COL26A1: variants seen among roughly 807,000 people sequenced by gnomAD.
The protein encoded by COL26A1 is collagen type XXVI alpha 1 chain.
Under a neutral mutation model 59.3 loss-of-function variants are expected in COL26A1, and 41 were observed. The ratio of observed to expected loss-of-function variants is 0.69; its 90% CI spans 0.54 to 0.90. The LOEUF is 0.90. Ranked by LOEUF, COL26A1 falls within the 40% of genes least tolerant of loss-of-function variation. The pLI is 0.00. For missense variants in COL26A1, 612 were observed against 602.3 expected, an observed-to-expected ratio of 1.02 and a Z score of -0.17; for synonymous variants, 266 against 256.0, an observed-to-expected ratio of 1.04 and a Z score of -0.37.
chr7:101,372,391 A>C (rs1294309444), intron 1 of COL26A1, among the ~76,000 whole-genome samples: 1 of 151,812 alleles, frequency 6.6e-6, no homozygotes, highest in Non-Finnish European at 1.5e-5. Flanking sequence ...TGAACTCCTG[A>C]CGTCAAGTGA....
At chr7:101,496,066 G>A (rs1328697448) in intron 3 of COL26A1, among the ~76,000 whole-genome samples, 1 of 152,100 alleles carries the variant, frequency 6.6e-6, no homozygotes, top group Non-Finnish European at 1.5e-5. Flanking sequence ...AGGCAGCAAA[G>A]CGAGACCCTG....
intron 3 of COL26A1, among the ~76,000 whole-genome samples, chr7:101,505,238 ATG>A (rs1393109728): frequency 8.1e-6 from 1 of 124,222 alleles, no homozygotes; most frequent in East Asian, 2.3e-4. Flanking sequence ...AGAAGTGTGT[ATG>A]TGTGTTGTGT....
chr7:101,462,944 A>G (rs1430843789), intron 3 of COL26A1, among the ~76,000 whole-genome samples: 1 of 152,204 alleles, frequency 6.6e-6, no homozygotes, highest in African/African-American at 2.4e-5. Flanking sequence ...ATCAAAGCAC[A>G]TAATTAACAA....
At chr7:101,498,704 A>C (rs1794638851) in intron 3 of COL26A1, among the ~76,000 whole-genome samples, 1 of 152,200 alleles carries the variant, frequency 6.6e-6, no homozygotes, top group Non-Finnish European at 1.5e-5. Context: ...AAGGTCTTTG[A>C]AACAAGCAAG....
In COL26A1 at chr7:101,530,152, G is replaced by A. The variant is rs564895776; in HGVS notation, c.386-2930G>A. Among the ~76,000 whole-genome samples the A allele has an allele frequency of 1.3e-5, 2 of 152,118 alleles. 1 individual carries two copies. Among genetic ancestry groups the A allele is most frequent in the Non-Finnish European group, 2.9e-5 (2 of 68,024 alleles). ...AGGGCTGGGGTAGCTTAAGGTGTAGGATGGGTAGCTGGGTGGGTGAGTGAA... is the reference window on the plus strand; with the variant it reads ...AGGGCTGGGGTAGCTTAAGGTGTAGAATGGGTAGCTGGGTGGGTGAGTGAA... On this transcript the variant is annotated intron_variant, in intron 3 of 12. Transcript: ENST00000313669.
chr7:101,539,817 C>A, intron 4 of COL26A1, 76 bp from the exon 5 acceptor site: 1 of 1,443,126 alleles, frequency 6.9e-7, no homozygotes, highest in Non-Finnish European at 9.4e-7. Flanking sequence ...GGTGCACATG[C>A]ATGTCCCTGT....
In COL26A1 at chr7:101,429,589, C is replaced by CTTTTTTTTTTTTTTTTTTTTTT. The variant is rs58432413; in HGVS notation, c.281+9511_281+9512insTTTTTTTTTTTTTTTTTTTTTT. Reference sequence around the variant, plus strand: ...ATTCTTTTTTTTCCTTTCTTTTTTACTTTTTTTTTTTTTTTTTTTTTGAGA... The same window carrying CTTTTTTTTTTTTTTTTTTTTTT: ...ATTCTTTTTTTTCCTTTCTTTTTTACTTTTTTTTTTTTTTTTTTTTTTTTTTTTTTTTTTTTTTTTTTTGAGA... On this transcript the variant is annotated intron_variant, in intron 2 of 12. Coordinates refer to ENST00000313669, the MANE Select transcript of COL26A1 (RefSeq NM_001278563.3). Among the ~76,000 whole-genome samples the CTTTTTTTTTTTTTTTTTTTTTT allele has an allele frequency of 5.1e-4, 40 of 78,694 alleles. 3 individuals carry two copies. The highest frequency in any genetic ancestry group is 1.6e-3 in the African/African-American group (31 of 19,352). 51.6% of individuals were successfully genotyped at this position (78,694 alleles called of 152,430 possible). A position where few individuals can be genotyped will look rare whatever the true frequency, so the allele number is the denominator to read the frequency against.
At chr7:101,515,222 T>G (rs906442556) in intron 3 of COL26A1, among the ~76,000 whole-genome samples, 2 of 152,188 alleles carry the variant, frequency 1.3e-5, no homozygotes, top group Non-Finnish European at 2.9e-5. Flanking sequence ...ACACAAACGG[T>G]GCCTCTCTGA....
At chr7:101,391,691 A>G (rs767452934) in intron 1 of COL26A1, among the ~76,000 whole-genome samples, 5 of 152,082 alleles carry the variant, frequency 3.3e-5, no homozygotes, top group Non-Finnish European at 7.4e-5. Flanking sequence ...AGTAGCTGGG[A>G]CTACAGGCGT....
At chr7:101,444,462 C>G (rs986972227) in intron 2 of COL26A1, among the ~76,000 whole-genome samples, 14 of 144,954 alleles carry the variant, frequency 9.7e-5, no homozygotes, top group East Asian at 4.0e-4. Flanking sequence ...GTTGCCCAGT[C>G]TGGAGTGCAG....
chr7:101,428,791 A>C (rs1792708010), intron 2 of COL26A1, among the ~76,000 whole-genome samples: 1 of 151,946 alleles, frequency 6.6e-6, no homozygotes, highest in African/African-American at 2.4e-5. Context: ...TACAGGCATG[A>C]GCCACCGCAC....
chr7:101,549,125 C>T lies in COL26A1; in HGVS notation c.941-46C>T, dbSNP rs559782780. The T allele has an allele frequency of 6.2e-5, 69 of 1,108,522 alleles. No homozygotes were observed. In the South Asian group the frequency reaches 8.1e-4, roughly 13 times the overall value. The allele number at this position is 1,108,522 out of a possible 1,614,324, so 68.7% of individuals were successfully genotyped here. ...AGGTGCTGGGGTGGGAGGCTGGGGG[C>T]GCCCCCTCTCTGGCCCCAGGTGACC... On this transcript the variant is annotated intron_variant, in intron 8 of 12. Coordinates refer to ENST00000313669, the MANE Select transcript of COL26A1 (RefSeq NM_001278563.3).
chr7:101,547,119 C>A, intron 7 of COL26A1, 37 bp from the exon 8 acceptor site: 1 of 1,457,126 alleles, frequency 6.9e-7, no homozygotes, highest in Non-Finnish European at 9.4e-7. Context: ...GCCAGGTCTG[C>A]CCCACCAGAC....
intron 3 of COL26A1, among the ~76,000 whole-genome samples, chr7:101,507,080 A>G (rs1794826962): frequency 6.6e-6 from 1 of 151,794 alleles, no homozygotes; most frequent in African/African-American, 2.4e-5. Flanking sequence ...ACGCCTGGCT[A>G]ATTTTCGTAT....
chr7:101,455,588 C>T (rs550462932), intron 3 of COL26A1, among the ~76,000 whole-genome samples: 11 of 150,938 alleles, frequency 7.3e-5, no homozygotes, highest in East Asian at 3.9e-4. Context: ...CTGCAACCTC[C>T]GCCTCCCAGG....
At chr7:101,455,404 G>A (rs2130404402) in intron 3 of COL26A1, among the ~76,000 whole-genome samples, 1 of 152,080 alleles carries the variant, frequency 6.6e-6, no homozygotes, top group East Asian at 1.9e-4. Context: ...GAAACACGTA[G>A]TATTACACCT....
intron 3 of COL26A1, among the ~76,000 whole-genome samples, chr7:101,501,253 C>A (rs1794702091): frequency 1.3e-5 from 2 of 149,272 alleles, no homozygotes; most frequent in South Asian, 2.1e-4. Context: ...AGGAACCTGC[C>A]AGTTGGAATA....
chr7:101,445,655 C>T (rs1217300939), intron 2 of COL26A1, among the ~76,000 whole-genome samples: 1 of 148,956 alleles, frequency 6.7e-6, no homozygotes, highest in African/African-American at 2.5e-5. Flanking sequence ...TGGCGTGAAC[C>T]CGGGAGGCGG....
At chr7:101,493,612 C>T (rs1039070894) in intron 3 of COL26A1, among the ~76,000 whole-genome samples, 14 of 151,982 alleles carry the variant, frequency 9.2e-5, no homozygotes, top group East Asian at 1.9e-4. Context: ...TACAGTGCAT[C>T]GGAATTTTGT....
Sources: gnomAD v4.1 joint callset for allele counts (sites outside exome capture counted in the v4.1 genomes callset) on GRCh38, gnomAD v4.1.1 for gene constraint, MANE v1.5 for transcripts, NCBI Gene and HGNC (gene_info 2026-07-23, HGNC 2026-07-21) for gene names.